Variants in CCDC149 observed in about 807,000 individuals in gnomAD.
The protein encoded by CCDC149 is coiled-coil domain containing 149.
A neutral mutation model predicts 59.9 loss-of-function variants in CCDC149; 45 were observed. That is an observed-to-expected ratio of 0.75 (90% CI 0.59 to 0.96). The LOEUF (loss-of-function observed/expected upper bound fraction) is 0.96. CCDC149 is among the 40% of genes least tolerant of loss of function. CCDC149 has a pLI of 0.00. For synonymous variants in CCDC149, 245 were observed against 260.6 expected (o/e 0.94, Z 0.58); for missense variants, 584 against 664.7 (o/e 0.88, Z 1.33).
chr4:24,889,442 C>T (rs1249701932), intron 1 of CCDC149, among the ~76,000 whole-genome samples: 6 of 152,336 alleles, frequency 3.9e-5, no homozygotes, highest in Non-Finnish European at 7.3e-5. Flanking sequence ...GGCCGAGATG[C>T]TGCCGGTACG....
At chr4:24,835,084 A>C (rs1311552209) in intron 7 of CCDC149, 52 bp from the exon 8 acceptor site, 1 of 1,311,470 alleles carries the variant, frequency 7.6e-7, no homozygotes, top group Admixed American at 1.7e-5. Context: ...CCAACAATGG[A>C]AAAGTACCTA....
Position 24,811,473 on chromosome 4 carries a change from G to A in CCDC149, c.1193-2654C>T, listed in dbSNP as rs538332102. Among the ~76,000 whole-genome samples the A allele has an allele frequency of 3.9e-5, 6 of 151,990 alleles. No individual in the cohort carries two copies. In the South Asian group the frequency reaches 1.2e-3, roughly 32 times the overall value. ...AGTCTCTCCTTCAATCTAGTTCTGT[G>A]AGCATGCTGTATTCGTTCCCTATGG... On this transcript the variant is annotated intron_variant, in intron 12 of 12. Transcript: ENST00000635206.
At chr4:24,905,648 C>G (rs2109314944) in intron 1 of CCDC149, among the ~76,000 whole-genome samples, 1 of 152,286 alleles carries the variant, frequency 6.6e-6, no homozygotes, top group South Asian at 2.1e-4. Context: ...GTTGGCCAAG[C>G]TGGTCTCAAA....
At chr4:24,964,192 TA>T (rs377278394) in intron 1 of CCDC149, among the ~76,000 whole-genome samples, 4,365 of 119,050 alleles carry the variant, frequency 0.037, 121 homozygotes, top group African/African-American at 0.078. Flanking sequence ...AGACCCTATC[TA>T]AAAAAAAAAA....
In CCDC149 at chr4:24,831,523, G is replaced by A. The variant is rs746396930; in HGVS notation, c.948C>T (p.His316=). ...CCACCTACTTGTTGGTTTGCCTCTG[G>A]TGCTGAATGACCATGTTTTTCTCGT... Residue 316 remains histidine, a synonymous_variant, in exon 9 of 13, where the codon CAC becomes CAT. Coordinates refer to ENST00000635206, the MANE Select transcript of CCDC149 (RefSeq NM_001330643.2). 5 of 1,613,866 alleles carry A rather than the reference G, an allele frequency of 3.1e-6. No homozygotes were observed. Among genetic ancestry groups the A allele is most frequent in the Middle Eastern group, 1.6e-4 (1 of 6,062 alleles).
At chr4:24,890,501 C>T (rs567205084) in intron 1 of CCDC149, among the ~76,000 whole-genome samples, 1 of 152,172 alleles carries the variant, frequency 6.6e-6, no homozygotes, top group African/African-American at 2.4e-5. Context: ...AGAAAAAGCA[C>T]TCAATAAACT....
intron 1 of CCDC149, among the ~76,000 whole-genome samples, chr4:24,938,537 C>T (rs7340767): frequency 0.19 from 29,412 of 151,990 alleles, 3,665 homozygotes; most frequent in African/African-American, 0.35. Context: ...CACTGGGGAG[C>T]GCAGTGGGTG....
At chr4:24,874,883 T>C (rs1032434024) in intron 2 of CCDC149, among the ~76,000 whole-genome samples, 4 of 152,204 alleles carry the variant, frequency 2.6e-5, no homozygotes, top group Non-Finnish European at 5.9e-5. Flanking sequence ...CATTCTCCAT[T>C]TCAGTATCAT....
In CCDC149 at chr4:24,837,180, G is replaced by A; in HGVS notation, c.662+48C>T. The A allele has an allele frequency of 6.3e-7, 1 of 1,583,758 alleles. No individual in the cohort carries two copies. The highest frequency in any genetic ancestry group is 1.1e-5 in the South Asian group (1 of 88,904). ...AATAACTCCCAGCCTGCAGGCCTGT[G>A]CAGAGCCAGCCTTCCTCCCACGCAC... On this transcript the variant is annotated intron_variant, in intron 6 of 12. Transcript: ENST00000635206. The surrounding 1 kb of genome is among the most constrained non-coding windows in gnomAD (Gnocchi z 4.3).
chr4:24,916,679 T>G (rs958547875), upstream of CCDC149, among the ~76,000 whole-genome samples: 2 of 152,086 alleles, frequency 1.3e-5, no homozygotes, highest in African/African-American at 4.8e-5. Flanking sequence ...AACTATATAG[T>G]TGGGGCAATA....
intron 12 of CCDC149, among the ~76,000 whole-genome samples, chr4:24,819,304 T>C (rs1258576669): frequency 6.6e-6 from 1 of 152,202 alleles, no homozygotes; most frequent in Non-Finnish European, 1.5e-5. Context: ...ACCCAGGTTG[T>C]CCAACTCCAG....
intron 2 of CCDC149, among the ~76,000 whole-genome samples, chr4:24,875,890 C>T (rs1302742487): frequency 6.6e-6 from 1 of 152,114 alleles, no homozygotes; most frequent in African/African-American, 2.4e-5. Flanking sequence ...ATACAGTAGT[C>T]CCCACCTGTC....
upstream of CCDC149, among the ~76,000 whole-genome samples, chr4:24,914,909 A>G (rs1722081442): frequency 6.6e-6 from 1 of 152,184 alleles, no homozygotes; most frequent in Non-Finnish European, 1.5e-5. Flanking sequence ...GAACCAGTAT[A>G]CTAGTCAGCA....
chr4:24,968,114 G>A (rs951462953), intron 1 of CCDC149, among the ~76,000 whole-genome samples: 1 of 152,218 alleles, frequency 6.6e-6, no homozygotes, highest in Non-Finnish European at 1.5e-5. Context: ...ACAGGCATGA[G>A]CCCTACAGGT....
intron 3 of CCDC149, chr4:24,853,389 G>A (rs2109185811): frequency 1.8e-6 from 1 of 544,302 alleles, no homozygotes; most frequent in African/African-American, 1.9e-5. Context: ...ACCTCAATTT[G>A]GAGATATTCT....
chr4:24,948,307 C>G (rs1723181794), intron 1 of CCDC149, among the ~76,000 whole-genome samples: 1 of 152,038 alleles, frequency 6.6e-6, no homozygotes, highest in African/African-American at 2.4e-5. Context: ...TTTTCTACCT[C>G]AATCTCCACC....
intron 4 of CCDC149, among the ~76,000 whole-genome samples, chr4:24,839,267 C>T (rs2109147446): frequency 6.6e-6 from 1 of 151,992 alleles, no homozygotes; most frequent in Admixed American, 6.5e-5. Context: ...GTAAGCTCCG[C>T]CTCCTGGGTT....
At chr4:24,910,090 T>C (rs1000875388) in intron 1 of CCDC149, among the ~76,000 whole-genome samples, 1 of 152,176 alleles carries the variant, frequency 6.6e-6, no homozygotes, top group African/African-American at 2.4e-5. Context: ...GTGTCAACAG[T>C]TGTTTTTTTC....
At chr4:24,855,468 AG>A (rs1216023032) in intron 3 of CCDC149, among the ~76,000 whole-genome samples, 2 of 150,866 alleles carry the variant, frequency 1.3e-5, no homozygotes, top group African/African-American at 4.9e-5. Context: ...GTGGAGGCTG[AG>A]GTGGGAGAAT....
Sources: allele counts gnomAD v4.1 joint callset (sites outside exome capture counted in the v4.1 genomes callset), GRCh38; gene constraint gnomAD v4.1.1; non-coding constraint Gnocchi (gnomAD v3.1); transcripts MANE v1.5; gene names NCBI Gene and HGNC (gene_info 2026-07-23, HGNC 2026-07-21).